PDGFRL: variants seen among roughly 807,000 people sequenced by gnomAD.
PDGFRL encodes the protein platelet derived growth factor receptor like, also known as platelet-derived growth factor receptor-like protein.
In PDGFRL, 46 loss-of-function variants were observed where a neutral mutation model predicts 37.2. That is an observed-to-expected ratio of 1.24 (90% CI 0.98 to 1.58). The LOEUF (loss-of-function observed/expected upper bound fraction) is 1.58. PDGFRL is among the 40% of genes most tolerant of loss of function. PDGFRL has a pLI of 0.00. For synonymous variants in PDGFRL, 251 were observed against 184.3 expected (o/e 1.36, Z -2.93); for missense variants, 692 against 467.6 (o/e 1.48, Z -4.43).
rs1356419901 is a variant in PDGFRL at position 17,590,253 on chromosome 8, A to AAAAAAC, written c.353+491_353+492insAACAAA. Among the ~76,000 whole-genome samples the AAAAAAC allele has an allele frequency of 3.0e-3, 437 of 144,602 alleles. 20 individuals carry two copies. Among genetic ancestry groups the AAAAAAC allele is most frequent in the African/African-American group, 0.01 (399 of 38,134 alleles). 94.9% of individuals were successfully genotyped at this position (144,602 alleles called of 152,430 possible). On this transcript the variant is annotated intron_variant, in intron 2 of 5. Transcript: ENST00000251630. ...CTCCATCTCAAAAAAAAAAAAAAAAAAAATTGCAAATCCTACCAACATTTG... is the reference window on the plus strand; with the variant it reads ...CTCCATCTCAAAAAAAAAAAAAAAAAAAAAACAAATTGCAAATCCTACCAACATTTG...
At chr8:17,626,992 C>T (rs1804746689) in intron 3 of PDGFRL, among the ~76,000 whole-genome samples, 1 of 152,214 alleles carries the variant, frequency 6.6e-6, no homozygotes, top group Non-Finnish European at 1.5e-5. Flanking sequence ...TGGGTTCCTC[C>T]TTCAAGCCGA....
At chr8:17,622,871 C>G (rs904321523) in intron 3 of PDGFRL, among the ~76,000 whole-genome samples, 2 of 152,064 alleles carry the variant, frequency 1.3e-5, no homozygotes, top group African/African-American at 2.4e-5. Flanking sequence ...TACCTGCAGG[C>G]CCTTAATCTG....
Position 17,589,604 on chromosome 8 carries a change from G to T in PDGFRL, c.192G>T (p.Thr64=), listed in dbSNP as rs372739699. 1 of 1,613,904 alleles carries T rather than the reference G, an allele frequency of 6.2e-7. No individual in the cohort carries two copies. Among genetic ancestry groups the T allele is most frequent in the Non-Finnish European group, 8.5e-7 (1 of 1,179,868 alleles). The part of the protein sequence containing the change: ...DRDSANSAPK[T]QSIMMQVLDK... Reference sequence around the variant, plus strand: ...ACTCAGCCAATTCAGCACCAAAGACGCAGTCTATCATGATGCAAGTGCTGG... The same window carrying T: ...ACTCAGCCAATTCAGCACCAAAGACTCAGTCTATCATGATGCAAGTGCTGG... The change falls in exon 2 of 6, where the codon ACG becomes ACT. Residue 64 remains threonine (T), a synonymous_variant. Transcript: ENST00000251630.
At chr8:17,598,888 G>C (rs997620154) in intron 2 of PDGFRL, among the ~76,000 whole-genome samples, 2 of 152,114 alleles carry the variant, frequency 1.3e-5, no homozygotes, top group African/African-American at 4.8e-5. Context: ...TCTCTTGCCA[G>C]CTACCACGTA....
intron 5 of PDGFRL, among the ~76,000 whole-genome samples, chr8:17,637,926 T>A (rs35392040): frequency 0.45 from 7,931 of 17,658 alleles, 413 homozygotes; most frequent in East Asian, 0.56. Flanking sequence ...CTTGTTTCAT[T>A]TCTAACTGAA....
intron 2 of PDGFRL, among the ~76,000 whole-genome samples, chr8:17,620,403 T>A (rs1804606830): frequency 6.6e-6 from 1 of 152,180 alleles, no homozygotes; most frequent in Admixed American, 6.5e-5. Flanking sequence ...TAGGGTGGTT[T>A]TAGGTTGCAG....
intron 2 of PDGFRL, among the ~76,000 whole-genome samples, chr8:17,597,962 T>G (rs1804088846): frequency 6.6e-6 from 1 of 151,702 alleles, no homozygotes; most frequent in Non-Finnish European, 1.5e-5. Flanking sequence ...ATTCCATCAA[T>G]GTTATATAGC....
chr8:17,584,550 T>G (rs898939971), intron 1 of PDGFRL, among the ~76,000 whole-genome samples: 1 of 150,686 alleles, frequency 6.6e-6, no homozygotes, highest in South Asian at 2.1e-4. Context: ...GACTGAAGAG[T>G]TGTCAGTGAC....
chr8:17,628,248 C>T (rs936793978), intron 3 of PDGFRL, among the ~76,000 whole-genome samples: 9 of 151,966 alleles, frequency 5.9e-5, no homozygotes, highest in Non-Finnish European at 1.2e-4. Flanking sequence ...CCCGCCTCAG[C>T]CTCCCAAAGT....
At chr8:17,613,451 G>C (rs1221729920) in intron 2 of PDGFRL, among the ~76,000 whole-genome samples, 1 of 152,172 alleles carries the variant, frequency 6.6e-6, no homozygotes, top group Non-Finnish European at 1.5e-5. Context: ...TCGCAGTATG[G>C]CGGGCAGAGT....
chr8:17,591,424 T>A (rs1803937771), intron 2 of PDGFRL, among the ~76,000 whole-genome samples: 1 of 152,180 alleles, frequency 6.6e-6, no homozygotes, highest in South Asian at 2.1e-4. Flanking sequence ...TGTACGGGGT[T>A]ACAGTCCTGT....
chr8:17,632,156 C>G (rs184439631), intron 4 of PDGFRL, among the ~76,000 whole-genome samples: 1 of 152,314 alleles, frequency 6.6e-6, no homozygotes, highest in Non-Finnish European at 1.5e-5. Flanking sequence ...AAGCTAACCT[C>G]CCTCCTCCTC....
At position 17,613,479 on chromosome 8, in the gene PDGFRL, T is replaced by C. The variant is rs139871028; in HGVS notation, c.354-7572T>C. Among the ~76,000 whole-genome samples the C allele has an allele frequency of 9.7e-3, 1,472 of 152,052 alleles. 17 individuals are homozygous for C. The highest frequency in any genetic ancestry group is 0.014 in the Non-Finnish European group (937 of 67,974). ...GGCAGAGTCCAGGCAGTGCCAAGAATAGGACCTGCAGGGGTGAGAGTGATG... is the reference window on the plus strand; with the variant it reads ...GGCAGAGTCCAGGCAGTGCCAAGAACAGGACCTGCAGGGGTGAGAGTGATG... On this transcript the variant is annotated intron_variant, in intron 2 of 5. Coordinates refer to ENST00000251630, the MANE Select transcript of PDGFRL (RefSeq NM_001372073.1).
At chr8:17,617,058 T>C (rs1804544928) in intron 2 of PDGFRL, among the ~76,000 whole-genome samples, 1 of 152,162 alleles carries the variant, frequency 6.6e-6, no homozygotes, top group Admixed American at 6.5e-5. Flanking sequence ...GAAGCTTCAG[T>C]CCTCCACTGA....
At chr8:17,579,235 A>G (rs1204320462) in intron 1 of PDGFRL, among the ~76,000 whole-genome samples, 3 of 152,176 alleles carry the variant, frequency 2.0e-5, no homozygotes, top group African/African-American at 7.2e-5. Context: ...CATATCTATA[A>G]TGTATGGACT....
intron 5 of PDGFRL, among the ~76,000 whole-genome samples, chr8:17,640,775 AG>A (rs1805075082): frequency 6.6e-6 from 1 of 152,162 alleles, no homozygotes. Context: ...GGCACTTTAA[AG>A]ACAGCATTAG....
At chr8:17,577,876 A>C (rs1803620772) in intron 1 of PDGFRL, among the ~76,000 whole-genome samples, 1 of 151,932 alleles carries the variant, frequency 6.6e-6, no homozygotes, top group Non-Finnish European at 1.5e-5. Flanking sequence ...CTTCAAAACG[A>C]ATCAAAAGCC....
At chr8:17,597,442 C>G (rs1160183909) in intron 2 of PDGFRL, among the ~76,000 whole-genome samples, 1 of 152,180 alleles carries the variant, frequency 6.6e-6, no homozygotes, top group Non-Finnish European at 1.5e-5. Context: ...TGACACTCAC[C>G]TACAAAAGCA....
intron 2 of PDGFRL, among the ~76,000 whole-genome samples, chr8:17,613,244 C>T (rs536117219): frequency 5.3e-5 from 8 of 152,044 alleles, no homozygotes; most frequent in Admixed American, 1.3e-4. Context: ...TTGGGAGGAT[C>T]GCTGGTGTGT....
Sources: allele counts gnomAD v4.1 joint callset (sites outside exome capture counted in the v4.1 genomes callset), GRCh38; gene constraint gnomAD v4.1.1; transcripts MANE v1.5; gene names NCBI Gene and HGNC (gene_info 2026-07-23, HGNC 2026-07-21).